Variants in FAM163A observed in about 807,000 individuals in gnomAD.
FAM163A encodes family with sequence similarity 163 member A.
Under a neutral mutation model 12.0 loss-of-function variants are expected in FAM163A, and 7 were observed. The observed-to-expected ratio is 0.58, with a 90% CI of 0.33 to 1.10. FAM163A has a LOEUF of 1.10. Ranked by LOEUF, FAM163A falls within the 50% of genes least tolerant of loss-of-function variation. FAM163A has a pLI of 0.03. For synonymous variants in FAM163A, 101 were observed against 91.0 expected (o/e 1.11, Z -0.62); for missense variants, 202 against 218.6 (o/e 0.92, Z 0.48).
chr1:179,762,066 G>T (rs191100091), intron 1 of FAM163A, among the ~76,000 whole-genome samples: 14 of 152,264 alleles, frequency 9.2e-5, no homozygotes. Flanking sequence ...TTAAAGCTTG[G>T]AAAATGTCCC....
At chr1:179,761,286 A>G (rs888952062) in intron 1 of FAM163A, among the ~76,000 whole-genome samples, 6 of 152,248 alleles carry the variant, frequency 3.9e-5, no homozygotes, top group African/African-American at 1.4e-4. Flanking sequence ...TTTTTCTAAT[A>G]CACAAGTATT....
intron 1 of FAM163A, among the ~76,000 whole-genome samples, chr1:179,792,864 T>C (rs1428384876): frequency 6.7e-6 from 1 of 148,668 alleles, no homozygotes. Flanking sequence ...CTCTAGTGGA[T>C]GAGACAGATA....
chr1:179,766,252 A>C (rs2318393), intron 1 of FAM163A, among the ~76,000 whole-genome samples: 17,387 of 152,046 alleles, frequency 0.11, 1,105 homozygotes, highest in Non-Finnish European at 0.13. Context: ...AAAAATATTA[A>C]CCTAACTTGC....
chr1:179,770,511 G>A (rs996307115), intron 1 of FAM163A, among the ~76,000 whole-genome samples: 1 of 152,044 alleles, frequency 6.6e-6, no homozygotes, highest in African/African-American at 2.4e-5. Context: ...AGAGTCTTGG[G>A]GGCACCTGGC....
At position 179,791,860 on chromosome 1, in the gene FAM163A, G is replaced by A. The variant is rs534796241; in HGVS notation, c.-135-15938G>A. 3.3e-5 allele frequency among the ~76,000 whole-genome samples: 5 copies of A among 152,322 alleles called. No individual in the cohort carries two copies. The South Asian group carries it at 1.0e-3, about 32-fold the overall frequency. On this transcript the variant is annotated intron_variant, in intron 1 of 4. Coordinates refer to ENST00000341785, the MANE Select transcript of FAM163A (RefSeq NM_173509.3). Reference sequence around the variant, plus strand: ...TAATCACTTCCAATTATGATTGGATGCTGGTCGAACTGCCTCCTGAAGTAC... The same window carrying A: ...TAATCACTTCCAATTATGATTGGATACTGGTCGAACTGCCTCCTGAAGTAC...
the FAM163A span, among the ~76,000 whole-genome samples, chr1:179,734,897 C>T: frequency 2.0e-5 from 3 of 152,270 alleles, no homozygotes; most frequent in African/African-American, 7.2e-5. Context: ...AGAGGAAGAG[C>T]TGTTTCAATT....
chr1:179,805,400 C>A (rs1043708067), intron 1 of FAM163A, among the ~76,000 whole-genome samples: 1 of 152,128 alleles, frequency 6.6e-6, no homozygotes, highest in Non-Finnish European at 1.5e-5. Context: ...CGCCTATAAT[C>A]TGAGCTACTT....
At chr1:179,759,666 A>G (rs1019317770) in intron 1 of FAM163A, among the ~76,000 whole-genome samples, 2 of 151,356 alleles carry the variant, frequency 1.3e-5, no homozygotes, top group African/African-American at 4.9e-5. Context: ...GGCAGGAACT[A>G]GATCCCCTTT....
chr1:179,747,963 G>A (rs773143255), intron 1 of FAM163A, among the ~76,000 whole-genome samples: 1 of 151,382 alleles, frequency 6.6e-6, no homozygotes, highest in African/African-American at 2.4e-5. Context: ...GGGAGGGGGA[G>A]GGGGAGGAGG....
intron 1 of FAM163A, among the ~76,000 whole-genome samples, chr1:179,771,880 C>T (rs1170066362): frequency 1.3e-5 from 2 of 152,096 alleles, no homozygotes; most frequent in African/African-American, 2.4e-5. Context: ...TCCCTGGCAC[C>T]CCTCAGCCTG....
intron 1 of FAM163A, among the ~76,000 whole-genome samples, chr1:179,751,312 A>G (rs964035092): frequency 3.9e-5 from 6 of 152,136 alleles, no homozygotes; most frequent in Non-Finnish European, 8.8e-5. Flanking sequence ...GAGACAGAGA[A>G]GGATGAACCA....
intron 1 of FAM163A, among the ~76,000 whole-genome samples, chr1:179,783,755 ATATT>A (rs1690163707): frequency 6.9e-6 from 1 of 145,080 alleles, no homozygotes; most frequent in African/African-American, 2.5e-5. Context: ...TATTATATAT[ATATT>A]ATATAATTTA....
chr1:179,743,957 G>C (rs1271401660), intron 1 of FAM163A, among the ~76,000 whole-genome samples: 1 of 152,208 alleles, frequency 6.6e-6, no homozygotes, highest in Non-Finnish European at 1.5e-5. Flanking sequence ...GCCGACCGGC[G>C]GGGTCTGCTG....
chr1:179,770,141 G>A (rs570494173), intron 1 of FAM163A, among the ~76,000 whole-genome samples: 3 of 151,902 alleles, frequency 2.0e-5, no homozygotes, highest in South Asian at 2.1e-4. Flanking sequence ...TCCTGACCTC[G>A]TGATCTGCCT....
chr1:179,779,716 AT>A (rs1689469698), intron 1 of FAM163A, among the ~76,000 whole-genome samples: 1 of 152,080 alleles, frequency 6.6e-6, no homozygotes, highest in Non-Finnish European at 1.5e-5. Context: ...AGATAAACAG[AT>A]TTATGTTGTT....
At chr1:179,736,501 G>A in the FAM163A span, among the ~76,000 whole-genome samples, 1 of 152,064 alleles carries the variant, frequency 6.6e-6, no homozygotes, top group South Asian at 2.1e-4. Context: ...TGTTAGGGTG[G>A]TGCTGTTCTC....
chr1:179,803,026 C>A (rs955965324), intron 1 of FAM163A, among the ~76,000 whole-genome samples: 2 of 152,050 alleles, frequency 1.3e-5, no homozygotes, highest in African/African-American at 4.8e-5. Flanking sequence ...TTCTTCAAAT[C>A]CTCATCCTGG....
At chr1:179,803,687 G>A (rs1164663812) in intron 1 of FAM163A, among the ~76,000 whole-genome samples, 1 of 151,968 alleles carries the variant, frequency 6.6e-6, no homozygotes, top group Non-Finnish European at 1.5e-5. Context: ...TCCTGCCTCA[G>A]CCTCCTGAGT....
intron 1 of FAM163A, among the ~76,000 whole-genome samples, chr1:179,783,077 C>T (rs551841469): frequency 4.6e-5 from 7 of 150,650 alleles, no homozygotes; most frequent in East Asian, 3.9e-4. Flanking sequence ...TGCAGTGAGC[C>T]GAGATCGTGC....
Sources: gnomAD v4.1 joint callset for allele counts (sites outside exome capture counted in the v4.1 genomes callset) on GRCh38, gnomAD v4.1.1 for gene constraint, MANE v1.5 for transcripts, NCBI Gene and HGNC (gene_info 2026-07-23, HGNC 2026-07-21) for gene names.